STOX2: variants seen among roughly 807,000 people sequenced by gnomAD.
STOX2 encodes the protein storkhead box 2.
A neutral mutation model predicts 60.9 loss-of-function variants in STOX2; 28 were observed. That is an observed-to-expected ratio of 0.46 (90% CI 0.34 to 0.63). The LOEUF is 0.63. STOX2 is among the 30% of genes least tolerant of loss of function. The pLI, the probability that STOX2 is intolerant of heterozygous loss-of-function variation, is 0.01. For missense variants in STOX2, 1,024 were observed against 1,187.7 expected (o/e 0.86, Z 2.03); for synonymous variants, 472 against 463.9 (o/e 1.02, Z -0.22).
At position 183,849,586 on chromosome 4, in the gene STOX2, G is replaced by A. The variant is rs80354179; in HGVS notation, c.364+51531G>A. Among the ~76,000 whole-genome samples the A allele has an allele frequency of 2.7e-3, 414 of 152,312 alleles. 1 individual carries two copies. Among genetic ancestry groups the A allele is most frequent in the African/African-American group, 9.7e-3 (403 of 41,570 alleles). On this transcript the variant is annotated intron_variant, in intron 1 of 2. Transcript: ENST00000513034. ...TACAGAAATAGTAATAATTGTTGAC[G>A]TTAAACGTCTGAGCCTATGAGTACA...
chr4:183,824,909 G>C lies in STOX2; in HGVS notation c.364+26854G>C, dbSNP rs1309265675. ...CAAGTGCTGTGAGCTCGTGAAGAGA[G>C]GGGACCGATAGAGTTCAATTGTGAC... On this transcript the variant is annotated intron_variant, in intron 1 of 2. Coordinates refer to the STOX2 transcript ENST00000513034. Among the ~76,000 whole-genome samples, 4 of 152,200 alleles carry C rather than the reference G, an allele frequency of 2.6e-5. No individual in the cohort carries two copies. In the East Asian group the frequency reaches 7.7e-4, roughly 29 times the overall value.
intron 1 of STOX2, among the ~76,000 whole-genome samples, chr4:183,981,382 C>T (rs1732653858): frequency 6.6e-6 from 1 of 151,308 alleles, no homozygotes; most frequent in Non-Finnish European, 1.5e-5. Context: ...TTCTGTGGGC[C>T]TCCATCATTA....
At chr4:183,974,288 C>G (rs961767612) in intron 1 of STOX2, among the ~76,000 whole-genome samples, 2 of 151,576 alleles carry the variant, frequency 1.3e-5, no homozygotes, top group African/African-American at 2.4e-5. Context: ...TCAAATAATT[C>G]AAATAAAATT....
intron 2 of STOX2, among the ~76,000 whole-genome samples, chr4:184,003,927 T>C (rs902616101): frequency 7.1e-6 from 1 of 140,062 alleles, no homozygotes; most frequent in African/African-American, 2.7e-5. Context: ...CCTTTCTCCT[T>C]TCCTTCCCTT....
intron 1 of STOX2, among the ~76,000 whole-genome samples, chr4:183,807,718 G>A (rs1423349111): frequency 6.6e-6 from 1 of 152,192 alleles, no homozygotes. Context: ...GGTGGGGTAG[G>A]CAGGTGAGGG....
At chr4:183,863,425 C>T (rs1289500926) in intron 1 of STOX2, among the ~76,000 whole-genome samples, 1 of 152,170 alleles carries the variant, frequency 6.6e-6, no homozygotes, top group Non-Finnish European at 1.5e-5. Context: ...ATTTTCTGAG[C>T]CTGAAAGTCT....
intron 1 of STOX2, among the ~76,000 whole-genome samples, chr4:183,827,923 C>G (rs929171723): frequency 2.6e-5 from 4 of 151,264 alleles, no homozygotes; most frequent in East Asian, 1.9e-4. Flanking sequence ...TTTATTGCCC[C>G]AGTATAACCT....
chr4:183,895,044 C>T (rs1003843275), intron 1 of STOX2, among the ~76,000 whole-genome samples: 1 of 152,130 alleles, frequency 6.6e-6, no homozygotes, highest in East Asian at 1.9e-4. Flanking sequence ...AGTAACTGCT[C>T]GCACCAGGCA....
At chr4:184,007,261 C>T (rs1041758557) in intron 2 of STOX2, among the ~76,000 whole-genome samples, 7 of 152,168 alleles carry the variant, frequency 4.6e-5, no homozygotes, top group Non-Finnish European at 8.8e-5. Context: ...ACCGCGCATT[C>T]ACGGATTTTC....
At chr4:183,982,360 G>A (rs1288198640) in intron 1 of STOX2, among the ~76,000 whole-genome samples, 2 of 152,156 alleles carry the variant, frequency 1.3e-5, no homozygotes, top group African/African-American at 4.8e-5. Flanking sequence ...CATATACAGT[G>A]CAAGGAAATC....
At chr4:183,815,621 A>G (rs192589061) in intron 1 of STOX2, among the ~76,000 whole-genome samples, 91 of 152,324 alleles carry the variant, frequency 6.0e-4, no homozygotes, top group African/African-American at 2.1e-3. Flanking sequence ...GTTGTGAAGG[A>G]AGGGGAATAA....
At chr4:183,876,815 G>T (rs571815679) in intron 1 of STOX2, among the ~76,000 whole-genome samples, 5 of 152,354 alleles carry the variant, frequency 3.3e-5, no homozygotes, top group Admixed American at 3.3e-4. Context: ...GGCCAAGCGG[G>T]CATTCTATTC....
At chr4:184,002,084 AG>A (rs1278087386) in intron 2 of STOX2, among the ~76,000 whole-genome samples, 2 of 152,242 alleles carry the variant, frequency 1.3e-5, no homozygotes, top group African/African-American at 4.8e-5. Context: ...CTTTCAAGAG[AG>A]CCAGTGTATT....
At position 184,017,455 on chromosome 4, in the gene STOX2, G is replaced by T; in HGVS notation, c.*171G>T. 1.7e-6 allele frequency: 1 copy of T among 594,896 alleles called. No homozygotes were observed. Among genetic ancestry groups the T allele is most frequent in the Non-Finnish European group, 2.9e-6 (1 of 347,244 alleles). 36.9% of individuals were successfully genotyped at this position (594,896 alleles called of 1,614,324 possible). ...AAAAAAACAAAAAATCTTTATTTCA[G>T]AGTATTGCTTTTCACATTTATGGCT... On this transcript the variant is annotated 3_prime_UTR_variant, in exon 4 of 4. Transcript: ENST00000308497.
In STOX2 at chr4:184,011,379, G is replaced by A. The variant is rs745696917; in HGVS notation, c.2541G>A (p.Met847Ile). The A allele has an allele frequency of 6.8e-6, 11 of 1,613,548 alleles. No homozygotes were observed. The highest frequency in any genetic ancestry group is 7.6e-6 in the Non-Finnish European group (9 of 1,179,680). ...RATHSARLDSMDSSSITVDSG... is the reference protein window; with the variant it reads ...RATHSARLDSIDSSSITVDSG... ...CCCATTCAGCCCGGCTCGACAGCAT[G>A]GACAGCAGCAGCATCACAGTGGACA... Residue 847 changes from methionine (M) to isoleucine (I), a missense_variant, in exon 3 of 4, where the codon ATG becomes ATA. Physicochemically the swap from Met to Ile is conservative, Grantham distance 10. This residue lies in a region of STOX2 where 922 missense variants were observed against 1,058.3 expected (regional missense o/e 0.87). Transcript: ENST00000308497. The surrounding 1 kb of genome is among the most constrained non-coding windows in gnomAD (Gnocchi z 4.4).
intron 1 of STOX2, among the ~76,000 whole-genome samples, chr4:183,849,413 G>T (rs1477866764): frequency 1.3e-5 from 2 of 152,152 alleles, no homozygotes; most frequent in African/African-American, 4.8e-5. Context: ...TATGGATCAG[G>T]GGTTTCCTGT....
intron 1 of STOX2, among the ~76,000 whole-genome samples, chr4:183,824,220 A>G (rs1049191337): frequency 6.6e-6 from 1 of 152,366 alleles, no homozygotes; most frequent in East Asian, 1.9e-4. Context: ...CCAGAATAGG[A>G]TAATTTAAGC....
intron 3 of STOX2, chr4:184,014,799 A>G (rs1734300455): frequency 6.6e-6 from 1 of 152,118 alleles, no homozygotes; most frequent in Non-Finnish European, 1.5e-5. Context: ...GCTGTGATTG[A>G]AGGTGGGCGA....
At chr4:183,989,037 C>T (rs571975588) in intron 1 of STOX2, among the ~76,000 whole-genome samples, 3 of 152,208 alleles carry the variant, frequency 2.0e-5, no homozygotes, top group East Asian at 3.9e-4. Flanking sequence ...TCACGGGGAC[C>T]GAGAAGTCCA....
Sources: allele counts gnomAD v4.1 joint callset (sites outside exome capture counted in the v4.1 genomes callset), GRCh38; gene constraint gnomAD v4.1.1; regional missense constraint gnomAD v4.1.1; non-coding constraint Gnocchi (gnomAD v3.1); transcripts MANE v1.5; gene names NCBI Gene and HGNC (gene_info 2026-07-23, HGNC 2026-07-21).